TAOK3: variants seen among roughly 807,000 people sequenced by gnomAD.
TAOK3 encodes the protein TAO kinase 3.
TAOK3 carries 40 observed loss-of-function variants against 120.4 expected under a neutral mutation model. That is an observed-to-expected ratio of 0.33 (90% CI 0.26 to 0.43). TAOK3 has a LOEUF of 0.43. Ranked by LOEUF, TAOK3 falls within the 20% of genes least tolerant of loss-of-function variation. The pLI, the probability that TAOK3 is intolerant of heterozygous loss-of-function variation, is 1.00. For synonymous variants in TAOK3, 355 were observed against 387.5 expected, an observed-to-expected ratio of 0.92 and a Z score of 0.99; for missense variants, 821 against 1,112.1, an observed-to-expected ratio of 0.74 and a Z score of 3.72.
chr12:118,300,862 G>T (rs1313077388), intron 1 of TAOK3, among the ~76,000 whole-genome samples: 1 of 151,926 alleles, frequency 6.6e-6, no homozygotes, highest in Non-Finnish European at 1.5e-5. Context: ...TACCACCTCT[G>T]CCTCCTGGGT....
intron 3 of TAOK3, among the ~76,000 whole-genome samples, chr12:118,248,450 A>G (rs2040611510): frequency 1.3e-5 from 2 of 152,118 alleles, no homozygotes; most frequent in African/African-American, 4.8e-5. Flanking sequence ...TTATATGGCA[A>G]TCATAAATAA....
intron 14 of TAOK3, 59 bp from the exon 15 acceptor site, chr12:118,181,666 T>G (rs2138886429): frequency 6.8e-7 from 1 of 1,479,068 alleles, no homozygotes; most frequent in Non-Finnish European, 9.4e-7. Flanking sequence ...CAAGCTTTCA[T>G]GCAAAGTAGA....
intron 1 of TAOK3, among the ~76,000 whole-genome samples, chr12:118,290,637 C>T (rs2042435963): frequency 6.6e-6 from 1 of 152,234 alleles, no homozygotes; most frequent in Admixed American, 6.5e-5. Context: ...CAGATCTCAG[C>T]TCACTACAAC....
At chr12:118,340,463 AT>A (rs2044567199) in intron 1 of TAOK3, among the ~76,000 whole-genome samples, 1 of 152,210 alleles carries the variant, frequency 6.6e-6, no homozygotes, top group Admixed American at 6.5e-5. Flanking sequence ...AAAATTTTTT[AT>A]GAAAAGAAAA....
intron 2 of TAOK3, among the ~76,000 whole-genome samples, chr12:118,260,804 C>A (rs2041195439): frequency 6.6e-6 from 1 of 152,170 alleles, no homozygotes; most frequent in Non-Finnish European, 1.5e-5. Context: ...CCTCAGCCTC[C>A]CAAGCAGGTG....
intron 1 of TAOK3, among the ~76,000 whole-genome samples, chr12:118,291,074 T>C: frequency 6.6e-6 from 1 of 151,742 alleles, no homozygotes; most frequent in Admixed American, 6.6e-5. Context: ...CAGGCTGGTC[T>C]TGAACTCCTG....
At chr12:118,209,653 C>T (rs2038518801) in intron 11 of TAOK3, among the ~76,000 whole-genome samples, 2 of 152,002 alleles carry the variant, frequency 1.3e-5, no homozygotes, top group South Asian at 4.1e-4. Flanking sequence ...CCTGCTTTGG[C>T]CTCCTAAAGT....
chr12:118,280,005 T>C (rs1264505708), intron 1 of TAOK3, among the ~76,000 whole-genome samples: 1 of 151,734 alleles, frequency 6.6e-6, no homozygotes, highest in Non-Finnish European at 1.5e-5. Context: ...GACTTCGTGA[T>C]CCGCCCGCCT....
At chr12:118,328,401 T>G (rs1380214459) in intron 1 of TAOK3, among the ~76,000 whole-genome samples, 1 of 152,108 alleles carries the variant, frequency 6.6e-6, no homozygotes, top group Non-Finnish European at 1.5e-5. Flanking sequence ...TTGTGCTAGG[T>G]AGTAGACAGA....
intron 1 of TAOK3, among the ~76,000 whole-genome samples, chr12:118,370,064 G>A (rs1038875231): frequency 1.3e-4 from 20 of 152,060 alleles, no homozygotes; most frequent in Non-Finnish European, 2.9e-5. Flanking sequence ...TAGTAGAGAC[G>A]GGGTTTCATC....
chr12:118,273,159 G>C (rs1431889056), intron 1 of TAOK3, among the ~76,000 whole-genome samples: 1 of 152,124 alleles, frequency 6.6e-6, no homozygotes, highest in Non-Finnish European at 1.5e-5. Flanking sequence ...TATGGTGCTA[G>C]ATTCAGTTCT....
intron 1 of TAOK3, among the ~76,000 whole-genome samples, chr12:118,357,150 A>G (rs777836181): frequency 1.3e-5 from 2 of 152,360 alleles, no homozygotes; most frequent in South Asian, 4.1e-4. Context: ...ATCTGGGCAG[A>G]GATGTCATAT....
intron 17 of TAOK3, among the ~76,000 whole-genome samples, chr12:118,167,181 T>C (rs1023394917): frequency 6.6e-6 from 1 of 152,136 alleles, no homozygotes; most frequent in Admixed American, 6.6e-5. Flanking sequence ...AGAAAGAGGC[T>C]CAACCCAGTT....
At chr12:118,218,950 C>G (rs528968751) in intron 9 of TAOK3, among the ~76,000 whole-genome samples, 1 of 152,218 alleles carries the variant, frequency 6.6e-6, no homozygotes, top group Admixed American at 6.5e-5. Flanking sequence ...GAGACCTTGT[C>G]TCATAAATAA....
chr12:118,361,453 T>C (rs1335228830), intron 1 of TAOK3, among the ~76,000 whole-genome samples: 1 of 151,218 alleles, frequency 6.6e-6, no homozygotes, highest in Non-Finnish European at 1.5e-5. Flanking sequence ...TTCCTTAGGA[T>C]TTTTTTTTCT....
At chr12:118,332,547 C>T (rs1022349022) in intron 1 of TAOK3, among the ~76,000 whole-genome samples, 6 of 152,056 alleles carry the variant, frequency 3.9e-5, no homozygotes, top group Non-Finnish European at 7.4e-5. Flanking sequence ...TATTATGAGG[C>T]TATAGCTAGA....
At chr12:118,271,453 T>C (rs549683906) in intron 1 of TAOK3, among the ~76,000 whole-genome samples, 1 of 152,352 alleles carries the variant, frequency 6.6e-6, no homozygotes, top group East Asian at 1.9e-4. Flanking sequence ...TGGTCTTTCA[T>C]GACTGGCATT....
chr12:118,366,038 G>A (rs2045732361), intron 1 of TAOK3, among the ~76,000 whole-genome samples: 1 of 152,154 alleles, frequency 6.6e-6, no homozygotes, highest in African/African-American at 2.4e-5. Flanking sequence ...GCTGAAGCAG[G>A]CGATCACCTG....
At chr12:118,273,388 G>A (rs1460313753) in intron 1 of TAOK3, among the ~76,000 whole-genome samples, 1 of 152,184 alleles carries the variant, frequency 6.6e-6, no homozygotes, top group Non-Finnish European at 1.5e-5. Flanking sequence ...TGTAGTTCCA[G>A]CTATTCGGGA....
Sources: gnomAD v4.1 joint callset for allele counts (sites outside exome capture counted in the v4.1 genomes callset) on GRCh38, gnomAD v4.1.1 for gene constraint, MANE v1.5 for transcripts, NCBI Gene and HGNC (gene_info 2026-07-23, HGNC 2026-07-21) for gene names.